NREP: variants seen among roughly 807,000 people sequenced by gnomAD.
NREP encodes the protein neuronal regeneration-related protein.
In NREP, 5 loss-of-function variants were observed where a neutral mutation model predicts 8.6. That is an observed-to-expected ratio of 0.58 (90% CI 0.30 to 1.22). The LOEUF (loss-of-function observed/expected upper bound fraction) is 1.22. Ranked by LOEUF, NREP falls within the 50% of genes most tolerant of loss-of-function variation. NREP has a pLI of 0.07. For synonymous variants in NREP, 27 were observed against 28.0 expected, an observed-to-expected ratio of 0.96 and a Z score of 0.11; for missense variants, 86 against 82.5, an observed-to-expected ratio of 1.04 and a Z score of -0.17.
chr5:111,893,218 C>T (rs1325081159), intron 2 of NREP, among the ~76,000 whole-genome samples: 1 of 152,180 alleles, frequency 6.6e-6, no homozygotes, highest in Non-Finnish European at 1.5e-5. Flanking sequence ...TGGCCTTTTG[C>T]TTTCATTGCA....
chr5:111,745,231 C>T (rs1381172390), intron 2 of NREP, among the ~76,000 whole-genome samples: 1 of 152,114 alleles, frequency 6.6e-6, no homozygotes, highest in Non-Finnish European at 1.5e-5. Flanking sequence ...TTATCATCAT[C>T]GTCACCATTT....
intron 2 of NREP, among the ~76,000 whole-genome samples, chr5:111,789,808 A>T (rs148169313): frequency 9.2e-4 from 140 of 152,292 alleles, no homozygotes; most frequent in African/African-American, 3.2e-3. Context: ...AGCTCACATG[A>T]AATTACTCAG....
At chr5:111,939,278 G>A (rs1222852897) in intron 2 of NREP, among the ~76,000 whole-genome samples, 17 of 151,990 alleles carry the variant, frequency 1.1e-4, no homozygotes, top group Admixed American at 1.1e-3. Flanking sequence ...AGGCTCAAGG[G>A]GCAGAGATTC....
chr5:111,805,994 A>G (rs1478506862), intron 2 of NREP, among the ~76,000 whole-genome samples: 2 of 152,224 alleles, frequency 1.3e-5, no homozygotes, highest in Non-Finnish European at 2.9e-5. Flanking sequence ...CATGTATGTC[A>G]GAGCATCTTA....
At chr5:111,809,739 C>T (rs1313798804) in intron 2 of NREP, among the ~76,000 whole-genome samples, 1 of 152,132 alleles carries the variant, frequency 6.6e-6, no homozygotes, top group East Asian at 1.9e-4. Context: ...CTAAATAAAC[C>T]TTTTTTTAAA....
At chr5:111,801,546 G>A (rs1047668117) in intron 2 of NREP, among the ~76,000 whole-genome samples, 2 of 152,178 alleles carry the variant, frequency 1.3e-5, no homozygotes, top group African/African-American at 4.8e-5. Context: ...GCAGAAGGTA[G>A]AGAGTGTTGG....
At chr5:111,827,294 C>T (rs1197964963) in intron 2 of NREP, among the ~76,000 whole-genome samples, 1 of 152,182 alleles carries the variant, frequency 6.6e-6, no homozygotes, top group Non-Finnish European at 1.5e-5. Flanking sequence ...TGCTTCCTAC[C>T]TATACTTGTA....
intron 2 of NREP, among the ~76,000 whole-genome samples, chr5:111,877,555 T>A (rs772558832): frequency 1.3e-5 from 2 of 152,164 alleles, no homozygotes; most frequent in Non-Finnish European, 2.9e-5. Context: ...TTTGTAACCA[T>A]GTGACAGAAA....
chr5:111,890,507 C>A (rs1182203349), intron 2 of NREP, among the ~76,000 whole-genome samples: 1 of 152,190 alleles, frequency 6.6e-6, no homozygotes, highest in Non-Finnish European at 1.5e-5. Context: ...ACCCACATTT[C>A]CCCTATGCAC....
chr5:111,873,567 T>C (rs949039813), intron 2 of NREP, among the ~76,000 whole-genome samples: 66 of 152,224 alleles, frequency 4.3e-4, no homozygotes, highest in South Asian at 1.0e-3. Flanking sequence ...CCTTGGCTCC[T>C]GGCCCCTTCC....
At chr5:111,898,301 A>G (rs1458027634) in intron 2 of NREP, among the ~76,000 whole-genome samples, 1 of 152,140 alleles carries the variant, frequency 6.6e-6, no homozygotes, top group African/African-American at 2.4e-5. Flanking sequence ...GGTAATTCAG[A>G]GGTGGTAAAA....
chr5:111,843,315 G>T (rs140792062), intron 2 of NREP, among the ~76,000 whole-genome samples: 3 of 151,708 alleles, frequency 2.0e-5, no homozygotes, highest in African/African-American at 2.4e-5. Flanking sequence ...TCTTCTGCTT[G>T]ATTAAGTTTA....
At chr5:111,755,477 T>C (rs1468621654) in intron 2 of NREP, 17 of 403,256 alleles carry the variant, frequency 4.2e-5, no homozygotes, top group Non-Finnish European at 6.5e-5. Flanking sequence ...ACATCACTCT[T>C]CTTAAAGAAC....
In NREP at chr5:111,917,093, TCTTTC is replaced by T. The variant is rs1581216462; in HGVS notation, c.135+58176_135+58180del. On this transcript the variant is annotated intron_variant, in intron 2 of 3. Transcript: ENST00000395634. The stretch of plus-strand genomic sequence containing the variant: ...GGTCTTGTGTCCCTTTTCCCATGAT[TCTTTC>T]CTTAGGGTGGGCTTCCCGCATGCAT... Among the ~76,000 whole-genome samples the T allele has an allele frequency of 6.6e-5, 10 of 152,262 alleles. 1 individual carries two copies. The highest frequency in any genetic ancestry group is 2.6e-4 in the Admixed American group (4 of 15,282).
chr5:111,959,647 A>G (rs1756428401), intron 2 of NREP, among the ~76,000 whole-genome samples: 1 of 152,034 alleles, frequency 6.6e-6, no homozygotes, highest in Non-Finnish European at 1.5e-5. Context: ...TGAACTTTTA[A>G]GACCTCAAAT....
At chr5:111,967,783 CT>C (rs911649866) in intron 2 of NREP, among the ~76,000 whole-genome samples, 2 of 151,932 alleles carry the variant, frequency 1.3e-5, no homozygotes, top group African/African-American at 4.8e-5. Context: ...AACTTGTAAA[CT>C]TTTTAATTTA....
At chr5:111,897,600 T>C (rs925396652) in intron 2 of NREP, among the ~76,000 whole-genome samples, 1 of 152,140 alleles carries the variant, frequency 6.6e-6, no homozygotes, top group African/African-American at 2.4e-5. Flanking sequence ...GAGACTTCTT[T>C]GATGTCATCC....
At chr5:111,869,197 A>C (rs1163470006) in intron 2 of NREP, among the ~76,000 whole-genome samples, 1 of 152,198 alleles carries the variant, frequency 6.6e-6, no homozygotes, top group Non-Finnish European at 1.5e-5. Flanking sequence ...GAATCTCCAC[A>C]CTCACACTAG....
chr5:111,762,576 C>T (rs536469246), upstream of NREP, among the ~76,000 whole-genome samples: 1 of 151,956 alleles, frequency 6.6e-6, no homozygotes, highest in African/African-American at 2.4e-5. Context: ...TATGGTCGGG[C>T]TCTAACCTGA....
Sources: gnomAD v4.1 joint callset for allele counts (sites outside exome capture counted in the v4.1 genomes callset) on GRCh38, gnomAD v4.1.1 for gene constraint, MANE v1.5 for transcripts, NCBI Gene and HGNC (gene_info 2026-07-23, HGNC 2026-07-21) for gene names.